Variants in B3GALT1 observed in about 807,000 individuals in gnomAD.
B3GALT1 encodes the protein beta-1,3-galactosyltransferase 1.
Under a neutral mutation model 23.2 loss-of-function variants are expected in B3GALT1, and 10 were observed. That is an observed-to-expected ratio of 0.43 (90% confidence interval 0.27 to 0.73). The LOEUF is 0.73. Among genes scored for constraint, B3GALT1 ranks in the 30% least tolerant of loss-of-function variants. B3GALT1 has a pLI of 0.21. For synonymous variants in B3GALT1, 156 were observed against 141.5 expected (o/e 1.10, Z -0.73); for missense variants, 299 against 405.4 (o/e 0.74, Z 2.25).
chr2:167,755,947 C>G (rs901989580), intron 3 of B3GALT1, among the ~76,000 whole-genome samples: 5 of 151,900 alleles, frequency 3.3e-5, no homozygotes, highest in Non-Finnish European at 1.5e-5. Flanking sequence ...TGCACTCCAG[C>G]CTGGGCAACA....
intron 1 of B3GALT1, among the ~76,000 whole-genome samples, chr2:167,317,178 G>A (rs1696733192): frequency 6.6e-6 from 1 of 152,102 alleles, no homozygotes; most frequent in Non-Finnish European, 1.5e-5. Flanking sequence ...TTATGTCGGA[G>A]GACAGACTGG....
intron 1 of B3GALT1, among the ~76,000 whole-genome samples, chr2:167,481,231 A>C (rs546899939): frequency 2.6e-5 from 4 of 152,258 alleles, no homozygotes; most frequent in Admixed American, 2.6e-4. Flanking sequence ...AAAAAACATA[A>C]CTAAAATAAA....
intron 1 of B3GALT1, among the ~76,000 whole-genome samples, chr2:167,418,547 C>A (rs1301280710): frequency 6.6e-6 from 1 of 152,116 alleles, no homozygotes; most frequent in Non-Finnish European, 1.5e-5. Context: ...CCCCAACAAC[C>A]CTGAAGGCCA....
At chr2:167,702,561 A>G (rs1019099154) in intron 3 of B3GALT1, among the ~76,000 whole-genome samples, 1 of 152,246 alleles carries the variant, frequency 6.6e-6, no homozygotes, top group South Asian at 2.1e-4. Context: ...GAGGGACAAT[A>G]TATAATATGA....
intron 1 of B3GALT1, among the ~76,000 whole-genome samples, chr2:167,374,303 G>T (rs1337224818): frequency 6.6e-6 from 1 of 152,212 alleles, no homozygotes; most frequent in Non-Finnish European, 1.5e-5. Flanking sequence ...TTGCTATTGT[G>T]AATAGTTCTG....
intron 1 of B3GALT1, among the ~76,000 whole-genome samples, chr2:167,394,735 T>C (rs116334472): frequency 0.014 from 2,128 of 152,288 alleles, 46 homozygotes; most frequent in African/African-American, 0.048. Flanking sequence ...AAGTGTTTTA[T>C]GGGTGGAAGA....
chr2:167,624,950 T>C (rs929243615), intron 2 of B3GALT1, among the ~76,000 whole-genome samples: 1 of 151,988 alleles, frequency 6.6e-6, no homozygotes, highest in African/African-American at 2.4e-5. Context: ...GTGATTTTTC[T>C]ATCAGCCTAA....
intron 2 of B3GALT1, among the ~76,000 whole-genome samples, chr2:167,503,213 T>C (rs1409096646): frequency 6.6e-6 from 1 of 152,146 alleles, no homozygotes; most frequent in Admixed American, 6.6e-5. Flanking sequence ...TTCTACCCAA[T>C]CATGGACTCA....
At chr2:167,822,164 C>T (rs1362005335) in intron 4 of B3GALT1, among the ~76,000 whole-genome samples, 1 of 152,170 alleles carries the variant, frequency 6.6e-6, no homozygotes, top group East Asian at 1.9e-4. Context: ...GTCTCCTGTA[C>T]CATCCCTATA....
intron 2 of B3GALT1, among the ~76,000 whole-genome samples, chr2:167,627,107 G>A (rs1685360828): frequency 2.0e-5 from 3 of 151,524 alleles, no homozygotes; most frequent in African/African-American, 4.8e-5. Flanking sequence ...TGCAATTTGG[G>A]GTCACCAGGG....
intron 3 of B3GALT1, among the ~76,000 whole-genome samples, chr2:167,776,539 A>G (rs899753596): frequency 6.6e-6 from 1 of 152,208 alleles, no homozygotes; most frequent in Non-Finnish European, 1.5e-5. Flanking sequence ...GCAGGCACTC[A>G]ATACGTTTAC....
At chr2:167,382,527 C>A (rs1427624479) in intron 1 of B3GALT1, among the ~76,000 whole-genome samples, 1 of 151,980 alleles carries the variant, frequency 6.6e-6, no homozygotes, top group Admixed American at 6.6e-5. Context: ...TCAAGCACCC[C>A]CTTATGAGGA....
intron 2 of B3GALT1, among the ~76,000 whole-genome samples, chr2:167,609,457 T>C (rs1371776201): frequency 6.6e-6 from 1 of 152,116 alleles, no homozygotes; most frequent in African/African-American, 2.4e-5. Flanking sequence ...AGTGGCTCAA[T>C]AGTGTCCTCA....
intron 2 of B3GALT1, among the ~76,000 whole-genome samples, chr2:167,530,200 C>T (rs190633870): frequency 5.9e-5 from 9 of 152,274 alleles, no homozygotes; most frequent in African/African-American, 2.2e-4. Flanking sequence ...CAAATGTTCT[C>T]CTCAAACAGA....
At chr2:167,403,845 G>A (rs901042865) in intron 1 of B3GALT1, among the ~76,000 whole-genome samples, 15 of 152,212 alleles carry the variant, frequency 9.9e-5, no homozygotes, top group African/African-American at 3.6e-4. Context: ...TTTAAAAATA[G>A]TGTGAATGTT....
Position 167,775,437 on chromosome 2 carries a change from C to T in B3GALT1, c.-351-43235C>T, listed in dbSNP as rs910907688. On this transcript the variant is annotated intron_variant, in intron 3 of 4. Transcript: ENST00000392690. Reference sequence around the variant, plus strand: ...TACAAAAATTAGCCGGGTGTGGTGGCGCGTGCCTGTAGTCCCAGCTATTCG... The same window carrying T: ...TACAAAAATTAGCCGGGTGTGGTGGTGCGTGCCTGTAGTCCCAGCTATTCG... Among the ~76,000 whole-genome samples the T allele has an allele frequency of 4.0e-5, 6 of 151,708 alleles. No homozygotes were observed. In the South Asian group the frequency reaches 6.3e-4, roughly 16 times the overall value.
chr2:167,420,642 T>TG lies in B3GALT1; in HGVS notation c.-510-69534dup, dbSNP rs576638115. On this transcript the variant is annotated intron_variant, in intron 1 of 4. Coordinates refer to ENST00000392690, the MANE Select transcript of B3GALT1 (RefSeq NM_020981.4). ...TTTGAAATAAATTTAAATTACCTCA[T>TG]GCCTAGCATGGCCGTGGTAAGCCAT... Among the ~76,000 whole-genome samples the TG allele has an allele frequency of 1.0e-3, 155 of 152,364 alleles. 1 individual carries two copies. The highest frequency in any genetic ancestry group is 1.7e-3 in the Non-Finnish European group (115 of 68,032).
chr2:167,810,425 C>A (rs1285078562), intron 3 of B3GALT1, among the ~76,000 whole-genome samples: 1 of 150,836 alleles, frequency 6.6e-6, no homozygotes, highest in Non-Finnish European at 1.5e-5. Context: ...TTGGCTCCAC[C>A]CTTTGTTTGT....
At chr2:167,500,032 A>T (rs1405656321) in intron 2 of B3GALT1, among the ~76,000 whole-genome samples, 1 of 152,052 alleles carries the variant, frequency 6.6e-6, no homozygotes. Flanking sequence ...TCCAAGAGAG[A>T]TAAAATGGCC....
Sources: allele counts gnomAD v4.1 joint callset (sites outside exome capture counted in the v4.1 genomes callset), GRCh38; gene constraint gnomAD v4.1.1; transcripts MANE v1.5; gene names NCBI Gene and HGNC (gene_info 2026-07-23, HGNC 2026-07-21).